Variants in RAC1 observed in about 807,000 individuals in gnomAD.
The protein encoded by RAC1 is ras-related C3 botulinum toxin substrate 1.
Under a neutral mutation model 25.2 loss-of-function variants are expected in RAC1, and 2 were observed. The observed-to-expected ratio is 0.08, with a 90% CI of 0.03 to 0.25. RAC1 has a LOEUF of 0.25. RAC1 is among the 10% of genes least tolerant of loss of function. The pLI, the probability that RAC1 is intolerant of heterozygous loss-of-function variation, is 1.00. For missense variants in RAC1, 50 were observed against 235.7 expected, an observed-to-expected ratio of 0.21 and a Z score of 5.16; for synonymous variants, 88 against 94.0, an observed-to-expected ratio of 0.94 and a Z score of 0.37.
intron 3 of RAC1, among the ~76,000 whole-genome samples, chr7:6,392,640 C>T: frequency 6.6e-6 from 1 of 152,186 alleles, no homozygotes; most frequent in Non-Finnish European, 1.5e-5. Flanking sequence ...CTAATTAGAG[C>T]AGTAGCTGGT....
At chr7:6,400,241 A>G (rs377182540) in intron 4 of RAC1, 53 bp downstream of exon 4, 41 of 1,473,820 alleles carry the variant, frequency 2.8e-5, no homozygotes, top group Non-Finnish European at 3.8e-5. Flanking sequence ...CCTCTCAGAA[A>G]TAAATACTTT....
At chr7:6,386,999 C>T (rs1782941897) in intron 1 of RAC1, among the ~76,000 whole-genome samples, 2 of 151,610 alleles carry the variant, frequency 1.3e-5, no homozygotes, top group South Asian at 4.1e-4. Context: ...GCTCCTGACT[C>T]TATCTTTCTG....
intron 2 of RAC1, among the ~76,000 whole-genome samples, chr7:6,389,947 C>T (rs35109494): frequency 0.088 from 12,715 of 144,826 alleles, 933 homozygotes; most frequent in African/African-American, 0.19. Flanking sequence ...CCCTCCCTCC[C>T]TCTCTCCCTC....
At chr7:6,381,877 CCTT>C (rs1782775195) in intron 1 of RAC1, among the ~76,000 whole-genome samples, 1 of 152,180 alleles carries the variant, frequency 6.6e-6, no homozygotes, top group Non-Finnish European at 1.5e-5. Flanking sequence ...AATCCCCATA[CCTT>C]GTTTGTCAGT....
chr7:6,400,056 G>T, intron 3 of RAC1, 70 bp from the exon 4 acceptor site: 2 of 1,395,446 alleles, frequency 1.4e-6, no homozygotes, highest in Non-Finnish European at 2.0e-6. Flanking sequence ...CCAGCAACAT[G>T]TAGAAAGCAA....
chr7:6,390,638 C>T (rs1783067740), intron 2 of RAC1, among the ~76,000 whole-genome samples: 1 of 151,878 alleles, frequency 6.6e-6, no homozygotes, highest in Non-Finnish European at 1.5e-5. Flanking sequence ...CCACCTCTCC[C>T]TCAGAATTGT....
intron 1 of RAC1, among the ~76,000 whole-genome samples, chr7:6,386,359 A>G (rs1438112220): frequency 6.6e-6 from 1 of 152,142 alleles, no homozygotes. Context: ...CTTTCTCTCA[A>G]GAGAACAGTC....
At chr7:6,379,771 T>C (rs1351101011) in intron 1 of RAC1, among the ~76,000 whole-genome samples, 2 of 152,058 alleles carry the variant, frequency 1.3e-5, no homozygotes, top group East Asian at 1.9e-4. Context: ...TTTTTTGAGA[T>C]GGAGTCTCGC....
intron 1 of RAC1, among the ~76,000 whole-genome samples, chr7:6,385,708 C>T (rs1226017140): frequency 1.3e-5 from 2 of 152,156 alleles, no homozygotes; most frequent in Non-Finnish European, 2.9e-5. Context: ...CTGGCTGGGC[C>T]TGTAATCTGC....
chr7:6,401,759 C>G, intron 4 of RAC1, 109 bp from the exon 5 acceptor site: 1 of 1,223,534 alleles, frequency 8.2e-7, no homozygotes. Flanking sequence ...GTGGGGAGGC[C>G]TTGCCTGAGG....
At chr7:6,400,972 G>C (rs747264825) in intron 4 of RAC1, among the ~76,000 whole-genome samples, 3 of 151,916 alleles carry the variant, frequency 2.0e-5, no homozygotes, top group Non-Finnish European at 4.4e-5. Flanking sequence ...ACCGTGCCCG[G>C]CTGAGACAGA....
chr7:6,395,751 T>C (rs1783219815), intron 3 of RAC1, among the ~76,000 whole-genome samples: 1 of 152,186 alleles, frequency 6.6e-6, no homozygotes, highest in Non-Finnish European at 1.5e-5. Context: ...ACGTCAGGGC[T>C]GCCTGACCCT....
rs758646626 is a variant in RAC1, at chr7:6,387,309, CCTGT to C, written c.107+27_107+30del. 2.0e-6 allele frequency: 3 copies of C among 1,470,598 alleles called. No homozygotes were observed. The African/African-American group carries it at 4.3e-5, about 21-fold the overall frequency. 91.1% of individuals were successfully genotyped at this position (1,470,598 alleles called of 1,614,324 possible). A position where few individuals can be genotyped will look rare whatever the true frequency, so the allele number is the denominator to read the frequency against. On this transcript the variant is annotated intron_variant, in intron 2 of 5. Transcript: ENST00000348035. Reference sequence around the variant, plus strand: ...GTAAGTATCTTAAATTGGGAATTAACCTGTTTGTGTTACGGGTTTCACATTTCTT... The same window carrying C: ...GTAAGTATCTTAAATTGGGAATTAACTTGTGTTACGGGTTTCACATTTCTT...
At chr7:6,379,591 A>G (rs1782706969) in intron 1 of RAC1, among the ~76,000 whole-genome samples, 1 of 151,964 alleles carries the variant, frequency 6.6e-6, no homozygotes, top group Non-Finnish European at 1.5e-5. Context: ...TGTATTTTTA[A>G]TAGAGACAGG....
chr7:6,403,283 T>C lies in RAC1; in HGVS notation c.*837T>C, dbSNP rs556508707. ...ATGCAGTAGATGATGAAAGAAAGGT[T>C]GGTATTATCAGGAAATGTTTTCTTA... On this transcript the variant is annotated 3_prime_UTR_variant, in exon 6 of 6. Coordinates refer to ENST00000348035, the MANE Select transcript of RAC1 (RefSeq NM_006908.5). 4.7e-6 allele frequency: 1 copy of C among 213,444 alleles called. No homozygotes were observed. The highest frequency in any genetic ancestry group is 2.3e-5 in the African/African-American group (1 of 44,442). 13.2% of individuals were successfully genotyped at this position (213,444 alleles called of 1,614,324 possible). A position where few individuals can be genotyped will look rare whatever the true frequency, so the allele number is the denominator to read the frequency against.
At chr7:6,389,466 G>A (rs1783023741) in intron 2 of RAC1, among the ~76,000 whole-genome samples, 1 of 151,866 alleles carries the variant, frequency 6.6e-6, no homozygotes, top group African/African-American at 2.4e-5. Context: ...GGATCACTGA[G>A]GTAAGGAGTT....
At chr7:6,375,108 A>G (rs1782544032) in intron 1 of RAC1, among the ~76,000 whole-genome samples, 1 of 149,708 alleles carries the variant, frequency 6.7e-6, no homozygotes, top group Non-Finnish European at 1.5e-5. Context: ...GATTTTGACC[A>G]TTTTTCCAAA....
chr7:6,401,584 T>G (rs1010679178), intron 4 of RAC1: 7 of 238,916 alleles, frequency 2.9e-5, no homozygotes, highest in Non-Finnish European at 4.8e-5. Flanking sequence ...CCCTTCCTTT[T>G]GTTTCTCTTC....
At chr7:6,379,355 ACCT>A (rs1782699484) in intron 1 of RAC1, among the ~76,000 whole-genome samples, 1 of 141,148 alleles carries the variant, frequency 7.1e-6, no homozygotes, top group East Asian at 2.1e-4. Context: ...GCTCACTGCA[ACCT>A]CCTCCTCCTG....
Sources: allele counts gnomAD v4.1 joint callset (sites outside exome capture counted in the v4.1 genomes callset), GRCh38; gene constraint gnomAD v4.1.1; transcripts MANE v1.5; gene names NCBI Gene and HGNC (gene_info 2026-07-23, HGNC 2026-07-21).